The following PRSS12 variants were observed in gnomAD, a reference collection of about 807,000 sequenced individuals.
PRSS12 encodes neurotrypsin.
In PRSS12, 85 loss-of-function variants were observed where a neutral mutation model predicts 104.4. The observed-to-expected ratio is 0.81, with a 90% CI of 0.68 to 0.98. PRSS12 has a LOEUF of 0.98. PRSS12 is among the 50% of genes least tolerant of loss of function. The pLI is 0.00. For missense variants in PRSS12, 1,141 were observed against 1,139.2 expected (o/e 1.00, Z -0.02); for synonymous variants, 454 against 425.2 (o/e 1.07, Z -0.83).
In PRSS12 at chr4:118,292,610, C is replaced by T. The variant is rs146992943; in HGVS notation, c.2039+2329G>A. Reference sequence around the variant, plus strand: ...AGCAGGTGCCTGAGAACATTAAGGGCTCAATAATTATTTGTTAAGTGAATG... The same window carrying T: ...AGCAGGTGCCTGAGAACATTAAGGGTTCAATAATTATTTGTTAAGTGAATG... On this transcript the variant is annotated intron_variant, in intron 11 of 12. Coordinates refer to ENST00000296498, the MANE Select transcript of PRSS12 (RefSeq NM_003619.4). Among the ~76,000 whole-genome samples, 3 of 152,246 alleles carry T rather than the reference C, an allele frequency of 2.0e-5. No homozygotes were observed. In the East Asian group the frequency reaches 5.8e-4, roughly 29 times the overall value.
chr4:118,315,764 C>A (rs942077575), intron 6 of PRSS12, among the ~76,000 whole-genome samples: 1 of 152,178 alleles, frequency 6.6e-6, no homozygotes, highest in Non-Finnish European at 1.5e-5. Context: ...TGATAATTAT[C>A]ATCACATTCT....
intron 8 of PRSS12, among the ~76,000 whole-genome samples, chr4:118,300,035 C>T (rs927920858): frequency 6.7e-6 from 1 of 150,200 alleles, no homozygotes; most frequent in African/African-American, 2.4e-5. Context: ...TTTTAAGACA[C>T]AGTCTCACTT....
At position 118,331,614 on chromosome 4, in the gene PRSS12, T is replaced by C. The variant is rs1029751871; in HGVS notation, c.971+102A>G. 2.7e-6 allele frequency: 4 copies of C among 1,479,182 alleles called. No individual in the cohort carries two copies. The African/African-American group carries it at 4.2e-5, about 16-fold the overall frequency. 91.6% of individuals were successfully genotyped at this position (1,479,182 alleles called of 1,614,324 possible). A position where few individuals can be genotyped will look rare whatever the true frequency, so the allele number is the denominator to read the frequency against. ...AAGATCAAAAGGTAACTTGTCCCAT[T>C]TGTTCAAGGAAATGTGCAATTTAAA... On this transcript the variant is annotated intron_variant, in intron 4 of 12. Transcript: ENST00000296498.
chr4:118,339,345 A>G (rs1560785737), intron 1 of PRSS12, among the ~76,000 whole-genome samples: 1 of 152,232 alleles, frequency 6.6e-6, no homozygotes, highest in Non-Finnish European at 1.5e-5. Flanking sequence ...AAAATCTAGC[A>G]TAATTTGCAT....
intron 7 of PRSS12, among the ~76,000 whole-genome samples, chr4:118,310,791 C>G (rs1034855587): frequency 5.3e-5 from 8 of 152,160 alleles, no homozygotes; most frequent in Non-Finnish European, 7.3e-5. Flanking sequence ...TGGCTCACAC[C>G]TGTAATCCCA....
intron 11 of PRSS12, among the ~76,000 whole-genome samples, chr4:118,291,065 A>G (rs1330464162): frequency 6.6e-6 from 1 of 151,698 alleles, no homozygotes; most frequent in East Asian, 1.9e-4. Flanking sequence ...CCCCTAGATT[A>G]ATAACTTTGC....
At chr4:118,322,931 A>C (rs1417933065) in intron 4 of PRSS12, among the ~76,000 whole-genome samples, 1 of 152,018 alleles carries the variant, frequency 6.6e-6, no homozygotes, top group Non-Finnish European at 1.5e-5. Flanking sequence ...AAAAATCAAA[A>C]TAAGAATATA....
chr4:118,316,854 A>ATATATC (rs1375147278), intron 5 of PRSS12, among the ~76,000 whole-genome samples: 2 of 146,498 alleles, frequency 1.4e-5, no homozygotes, highest in Non-Finnish European at 3.0e-5. Context: ...ATATATATAT[A>ATATATC]TATCTTTCCT....
At chr4:118,294,021 C>T (rs1743186309) in intron 11 of PRSS12, among the ~76,000 whole-genome samples, 1 of 152,146 alleles carries the variant, frequency 6.6e-6, no homozygotes, top group Admixed American at 6.6e-5. Flanking sequence ...ATTCATGGAG[C>T]AGTTAAAGTG....
chr4:118,286,877 GC>G (rs34682149), intron 11 of PRSS12, among the ~76,000 whole-genome samples: 2 of 152,096 alleles, frequency 1.3e-5, no homozygotes, highest in Admixed American at 1.3e-4. Context: ...GCCCGTACAT[GC>G]CCAGAACTTC....
At chr4:118,297,602 C>A (rs1365359134) in intron 9 of PRSS12, among the ~76,000 whole-genome samples, 1 of 151,974 alleles carries the variant, frequency 6.6e-6, no homozygotes, top group Non-Finnish European at 1.5e-5. Flanking sequence ...AGAAGCCCCT[C>A]AGACAGCAAA....
At chr4:118,335,409 T>C (rs952971565) in intron 3 of PRSS12, 64 bp downstream of exon 3, 30 of 1,569,508 alleles carry the variant, frequency 1.9e-5, no homozygotes, top group Non-Finnish European at 2.6e-5. Context: ...GACACTTTCA[T>C]CATCTGGAAT....
chr4:118,351,772 G>A (rs879735464), intron 1 of PRSS12, among the ~76,000 whole-genome samples: 9 of 152,138 alleles, frequency 5.9e-5, no homozygotes, highest in Admixed American at 5.9e-4. Flanking sequence ...TCTAAAGAAT[G>A]GAGGGAAGGT....
In PRSS12 at chr4:118,322,312, G is replaced by C. The variant is rs1723648370; in HGVS notation, c.972-3756C>G. Among the ~76,000 whole-genome samples, 10 of 152,128 alleles carry C rather than the reference G, an allele frequency of 6.6e-5. No individual in the cohort carries two copies. The South Asian group carries it at 2.1e-3, about 32-fold the overall frequency. On this transcript the variant is annotated intron_variant, in intron 4 of 12. Transcript: ENST00000296498. The stretch of plus-strand genomic sequence containing the variant: ...CAGCTGTAATCCCCACACTTTGGGA[G>C]GCCGAGGCAGGTGGATCACCTGAGG...
chr4:118,308,623 T>G, intron 7 of PRSS12, 46 bp from the exon 8 acceptor site: 1 of 1,603,384 alleles, frequency 6.2e-7, no homozygotes, highest in South Asian at 1.1e-5. Context: ...ACATGCAAAC[T>G]GATTCTAAAG....
At chr4:118,297,442 T>C (rs1437483421) in intron 9 of PRSS12, among the ~76,000 whole-genome samples, 4 of 152,098 alleles carry the variant, frequency 2.6e-5, no homozygotes, top group South Asian at 2.1e-4. Context: ...AATTAAGTTA[T>C]AATCAGTATT....
chr4:118,297,765 G>T (rs973319307), intron 9 of PRSS12, among the ~76,000 whole-genome samples: 1 of 152,060 alleles, frequency 6.6e-6, no homozygotes, highest in South Asian at 2.1e-4. Flanking sequence ...AGATAAAGAG[G>T]CAACTGTTCT....
intron 11 of PRSS12, among the ~76,000 whole-genome samples, chr4:118,293,776 CT>C (rs35990894): frequency 0.25 from 38,049 of 152,048 alleles, 5,684 homozygotes; most frequent in East Asian, 0.52. Context: ...TTACACATTG[CT>C]GGGTTATAAA....
chr4:118,283,155 G>A, intron 11 of PRSS12, 44 bp from the exon 12 acceptor site: 2 of 1,599,604 alleles, frequency 1.3e-6, no homozygotes, highest in East Asian at 4.5e-5. Context: ...TTCAGATACT[G>A]AAAATTATTG....
Sources: allele counts gnomAD v4.1 joint callset (sites outside exome capture counted in the v4.1 genomes callset), GRCh38; gene constraint gnomAD v4.1.1; transcripts MANE v1.5; gene names NCBI Gene and HGNC (gene_info 2026-07-23, HGNC 2026-07-21).